Variants in ZDHHC14 observed in about 807,000 individuals in gnomAD.
The protein encoded by ZDHHC14 is palmitoyltransferase ZDHHC14.
A neutral mutation model predicts 47.7 loss-of-function variants in ZDHHC14; 16 were observed. The ratio of observed to expected loss-of-function variants is 0.34; its 90% CI spans 0.23 to 0.51. ZDHHC14 has a LOEUF of 0.51. Among genes scored for constraint, ZDHHC14 ranks in the 20% least tolerant of loss-of-function variants. The pLI is 0.97. For missense variants in ZDHHC14, 515 were observed against 662.5 expected (o/e 0.78, Z 2.44); for synonymous variants, 293 against 278.9 (o/e 1.05, Z -0.50).
chr6:157,424,174 T>A (rs1253730759), intron 1 of ZDHHC14, among the ~76,000 whole-genome samples: 1 of 152,186 alleles, frequency 6.6e-6, no homozygotes, highest in South Asian at 2.1e-4. Flanking sequence ...TGTGATATAT[T>A]TAAACTCACT....
rs1241257793 is a variant in ZDHHC14, at chr6:157,586,816, A to G, written c.407-6172A>G. ...CTTTTACATAAAGAGCTCTCCAAAT[A>G]TTTAGTCAAAGAGTTTTGGGTTTCG... is the stretch of plus-strand genomic sequence containing the variant. On this transcript the variant is annotated intron_variant, in intron 2 of 8. Coordinates refer to ENST00000359775, the MANE Select transcript of ZDHHC14 (RefSeq NM_024630.3). The surrounding 1 kb of genome is among the most constrained non-coding windows in gnomAD (Gnocchi z 4.6). Among the ~76,000 whole-genome samples, 1 of 152,160 alleles carries G rather than the reference A, an allele frequency of 6.6e-6. No homozygotes were observed. The highest frequency in any genetic ancestry group is 2.4e-5 in the African/African-American group (1 of 41,420).
intron 2 of ZDHHC14, among the ~76,000 whole-genome samples, chr6:157,590,998 G>A (rs190337894): frequency 1.7e-4 from 26 of 152,284 alleles, no homozygotes; most frequent in Admixed American, 7.8e-4. Context: ...ATTAGATTTC[G>A]GACTTGCATG....
At chr6:157,399,706 C>G (rs147479012) in intron 1 of ZDHHC14, among the ~76,000 whole-genome samples, 3 of 152,384 alleles carry the variant, frequency 2.0e-5, no homozygotes, top group East Asian at 1.9e-4. Flanking sequence ...GGCGCACATT[C>G]CTTTGCACAT....
At chr6:157,471,179 C>G (rs1331783195) in intron 1 of ZDHHC14, among the ~76,000 whole-genome samples, 1 of 152,322 alleles carries the variant, frequency 6.6e-6, no homozygotes, top group Admixed American at 6.5e-5. Flanking sequence ...GTATCCCCAC[C>G]CCCAGGACTT....
chr6:157,508,348 C>T (rs1780380980), intron 1 of ZDHHC14, among the ~76,000 whole-genome samples: 1 of 152,030 alleles, frequency 6.6e-6, no homozygotes, highest in South Asian at 2.1e-4. Flanking sequence ...ATCTGTAACT[C>T]TTTCATTTGG....
At position 157,652,702 on chromosome 6, in the gene ZDHHC14, T is replaced by G. The variant is rs548968608; in HGVS notation, c.966-823T>G. Among the ~76,000 whole-genome samples, 3 of 152,314 alleles carry G rather than the reference T, an allele frequency of 2.0e-5. No homozygotes were observed. In the South Asian group the frequency reaches 6.2e-4, roughly 32 times the overall value. On this transcript the variant is annotated intron_variant, in intron 7 of 8. Transcript: ENST00000359775. Reference sequence around the variant, plus strand: ...AAGAAGAATTTTGCGCAGCACCCGCTGGGTGTCAGCCTCAGAGATACAGAT... The same window carrying G: ...AAGAAGAATTTTGCGCAGCACCCGCGGGGTGTCAGCCTCAGAGATACAGAT...
chr6:157,519,281 ATTTATTTTTTTATT>A (rs779463087), intron 1 of ZDHHC14, among the ~76,000 whole-genome samples: 37 of 152,090 alleles, frequency 2.4e-4, no homozygotes, highest in Non-Finnish European at 4.4e-4. Flanking sequence ...GAAGCTTGAT[ATTTATTTTTTTATT>A]TTTATTTTTA....
intron 1 of ZDHHC14, among the ~76,000 whole-genome samples, chr6:157,408,466 A>G (rs191019905): frequency 1.6e-4 from 25 of 152,156 alleles, no homozygotes; most frequent in African/African-American, 5.8e-4. Context: ...ACGCCCTCCA[A>G]CAGGCCCCAG....
intron 1 of ZDHHC14, among the ~76,000 whole-genome samples, chr6:157,417,184 T>C (rs1426789329): frequency 6.6e-6 from 1 of 151,816 alleles, no homozygotes; most frequent in African/African-American, 2.4e-5. Context: ...GGTGTACGGG[T>C]GCTCGTTAAT....
chr6:157,389,444 T>C (rs1016219096), intron 1 of ZDHHC14, among the ~76,000 whole-genome samples: 1 of 152,220 alleles, frequency 6.6e-6, no homozygotes, highest in African/African-American at 2.4e-5. Context: ...TTTTAGGAAA[T>C]CTAACATGGA....
intron 1 of ZDHHC14, among the ~76,000 whole-genome samples, chr6:157,451,490 T>C (rs1778801604): frequency 6.6e-6 from 1 of 152,266 alleles, no homozygotes; most frequent in African/African-American, 2.4e-5. Context: ...CATTTATTTA[T>C]TCAGTAACCA....
intron 1 of ZDHHC14, among the ~76,000 whole-genome samples, chr6:157,420,801 A>G (rs986132583): frequency 6.6e-6 from 1 of 152,098 alleles, no homozygotes; most frequent in South Asian, 2.1e-4. Context: ...TTGAATGGAG[A>G]GATGTGCTGT....
chr6:157,575,982 T>C (rs1438656284), intron 2 of ZDHHC14, among the ~76,000 whole-genome samples: 4 of 152,128 alleles, frequency 2.6e-5, no homozygotes, highest in Non-Finnish European at 5.9e-5. Context: ...TCCCCAACCC[T>C]TCCATGTTCC....
At chr6:157,557,191 A>C (rs1386206548) in intron 2 of ZDHHC14, among the ~76,000 whole-genome samples, 1 of 152,214 alleles carries the variant, frequency 6.6e-6, no homozygotes, top group Non-Finnish European at 1.5e-5. Flanking sequence ...CTGCGGGCCT[A>C]GCACAGCCTC....
chr6:157,460,133 G>C (rs979718409), intron 1 of ZDHHC14, among the ~76,000 whole-genome samples: 9 of 151,304 alleles, frequency 5.9e-5, no homozygotes, highest in African/African-American at 2.2e-4. Flanking sequence ...AACCCGGGAG[G>C]CAGAAGTTGC....
chr6:157,454,982 A>C (rs1778880319), intron 1 of ZDHHC14, among the ~76,000 whole-genome samples: 1 of 152,174 alleles, frequency 6.6e-6, no homozygotes, highest in Non-Finnish European at 1.5e-5. Context: ...TCTGGGCTGA[A>C]AACAGGCCTC....
intron 1 of ZDHHC14, among the ~76,000 whole-genome samples, chr6:157,470,550 C>T (rs1259839821): frequency 6.6e-6 from 1 of 152,100 alleles, no homozygotes; most frequent in Non-Finnish European, 1.5e-5. Flanking sequence ...AAAATAAACA[C>T]AGGTGACAAA....
intron 1 of ZDHHC14, among the ~76,000 whole-genome samples, chr6:157,409,655 G>A (rs753301978): frequency 1.3e-5 from 2 of 152,086 alleles, no homozygotes; most frequent in Non-Finnish European, 2.9e-5. Flanking sequence ...ACATTGACTG[G>A]ATGAAAGGGA....
intron 1 of ZDHHC14, among the ~76,000 whole-genome samples, chr6:157,538,941 G>A (rs1239049667): frequency 2.0e-5 from 3 of 152,178 alleles, no homozygotes; most frequent in African/African-American, 7.2e-5. Context: ...GGGGCAGTGA[G>A]AGAGAGGGAG....
Sources: gnomAD v4.1 joint callset for allele counts (sites outside exome capture counted in the v4.1 genomes callset) on GRCh38, gnomAD v4.1.1 for gene constraint, Gnocchi (gnomAD v3.1) non-coding constraint, MANE v1.5 for transcripts, NCBI Gene and HGNC (gene_info 2026-07-23, HGNC 2026-07-21) for gene names.